Variants in ANKRD45 observed in about 807,000 individuals in gnomAD.
ANKRD45 encodes ankyrin repeat domain 45, also known as ankyrin repeat domain-containing protein 45.
A neutral mutation model predicts 28.1 loss-of-function variants in ANKRD45; 21 were observed. That is an observed-to-expected ratio of 0.75 (90% confidence interval 0.53 to 1.08). ANKRD45 has a LOEUF of 1.08. Ranked by LOEUF, ANKRD45 falls within the 50% of genes least tolerant of loss-of-function variation. The pLI, the probability that ANKRD45 is intolerant of heterozygous loss-of-function variation, is 0.00. For synonymous variants in ANKRD45, 86 were observed against 103.9 expected (o/e 0.83, Z 1.05); for missense variants, 261 against 308.7 (o/e 0.85, Z 1.16).
intron 4 of ANKRD45, among the ~76,000 whole-genome samples, chr1:173,625,720 A>C (rs543442492): frequency 2.0e-5 from 3 of 150,180 alleles, no homozygotes; most frequent in Non-Finnish European, 4.4e-5. Context: ...AATAATATAT[A>C]TAAGTGTGAT....
At chr1:173,692,876 C>T in the ANKRD45 span, among the ~76,000 whole-genome samples, 1 of 152,182 alleles carries the variant, frequency 6.6e-6, no homozygotes, top group Non-Finnish European at 1.5e-5. Context: ...TCACTCTTCT[C>T]CTTGTTCATC....
chr1:173,649,070 A>G (rs1180422069), intron 2 of ANKRD45, among the ~76,000 whole-genome samples: 1 of 152,186 alleles, frequency 6.6e-6, no homozygotes, highest in African/African-American at 2.4e-5. Context: ...CCAAAGAGCT[A>G]ATTCATTCCT....
At chr1:173,688,150 T>C in the ANKRD45 span, among the ~76,000 whole-genome samples, 2 of 152,242 alleles carry the variant, frequency 1.3e-5, no homozygotes, top group Admixed American at 6.5e-5. Context: ...TTTCGGGCTA[T>C]GCCCTTGTTT....
At chr1:173,713,994 T>C in the ANKRD45 span, among the ~76,000 whole-genome samples, 1 of 152,220 alleles carries the variant, frequency 6.6e-6, no homozygotes, top group Non-Finnish European at 1.5e-5. Context: ...TGGGCCACTA[T>C]ATCTGGATCT....
chr1:173,649,161 T>C (rs1346355185), intron 2 of ANKRD45, among the ~76,000 whole-genome samples: 2 of 152,218 alleles, frequency 1.3e-5, no homozygotes, highest in Non-Finnish European at 2.9e-5. Flanking sequence ...TTAACTGTTA[T>C]AAGCAATATT....
At chr1:173,648,187 C>A (rs1480731888) in intron 2 of ANKRD45, among the ~76,000 whole-genome samples, 1 of 152,122 alleles carries the variant, frequency 6.6e-6, no homozygotes, top group African/African-American at 2.4e-5. Flanking sequence ...ATCCACTTGC[C>A]TCAGCCTCCC....
rs144812432 is a variant in ANKRD45, at chr1:173,622,751, C to T, written c.730+2036G>A. ...CCATTCAGGACATAGGTGCAGGCAA[C>T]GATTTCATGAGTAAAACACCAAAAG... On this transcript the variant is annotated intron_variant, in intron 5 of 5. Coordinates refer to ENST00000333279, the MANE Select transcript of ANKRD45 (RefSeq NM_198493.3). 1.4e-4 allele frequency among the ~76,000 whole-genome samples: 21 copies of T among 152,090 alleles called. No homozygotes were observed. The East Asian group carries it at 1.9e-3, about 14-fold the overall frequency.
the ANKRD45 span, among the ~76,000 whole-genome samples, chr1:173,693,967 A>G: frequency 6.6e-6 from 1 of 152,230 alleles, no homozygotes; most frequent in African/African-American, 2.4e-5. Context: ...TCTATGCCAT[A>G]GGTTGCTGGC....
At chr1:173,698,938 GAAGAA>G in the ANKRD45 span, among the ~76,000 whole-genome samples, 4 of 150,334 alleles carry the variant, frequency 2.7e-5, no homozygotes, top group Non-Finnish European at 5.9e-5. Flanking sequence ...GACTAATAAA[GAAGAA>G]AAGAAAGAAC....
At chr1:173,684,726 T>A in the ANKRD45 span, among the ~76,000 whole-genome samples, 1 of 152,190 alleles carries the variant, frequency 6.6e-6, no homozygotes, top group Admixed American at 6.5e-5. Context: ...TGAGTTTTAA[T>A]CATGAGGCAA....
At chr1:173,652,486 G>A (rs1167299553) in intron 2 of ANKRD45, among the ~76,000 whole-genome samples, 1 of 152,162 alleles carries the variant, frequency 6.6e-6, no homozygotes, top group African/African-American at 2.4e-5. Flanking sequence ...TGTGCTGCTG[G>A]ATTCTATTTG....
At chr1:173,688,579 G>C in the ANKRD45 span, among the ~76,000 whole-genome samples, 1 of 85,382 alleles carries the variant, frequency 1.2e-5, no homozygotes, top group African/African-American at 3.9e-5. Context: ...TCTCTCTGCC[G>C]CTTCCTCTCT....
intron 3 of ANKRD45, among the ~76,000 whole-genome samples, chr1:173,644,749 C>T (rs1668850100): frequency 6.6e-6 from 1 of 151,982 alleles, no homozygotes; most frequent in African/African-American, 2.4e-5. Flanking sequence ...AATCCCAGCA[C>T]TTTGGGAGGT....
rs150483172 is a variant in ANKRD45, at chr1:173,642,658, G to T, written c.496+4188C>A. Among the ~76,000 whole-genome samples the T allele has an allele frequency of 3.9e-3, 587 of 152,372 alleles. 4 individuals are homozygous for T. The highest frequency in any genetic ancestry group is 0.014 in the African/African-American group (562 of 41,594). The stretch of plus-strand genomic sequence containing the variant: ...AGATATTTGCCTGGGCATGCCTGAA[G>T]AGGTCCAAGCAAGCATGAGGTCATA... On this transcript the variant is annotated intron_variant, in intron 3 of 5. Transcript: ENST00000333279.
intron 3 of ANKRD45, among the ~76,000 whole-genome samples, chr1:173,633,400 G>A (rs1291082658): frequency 1.3e-5 from 2 of 151,938 alleles, no homozygotes; most frequent in Admixed American, 6.6e-5. Context: ...AATCAATATT[G>A]TTAAAATGCT....
chr1:173,679,080 A>T, the ANKRD45 span, among the ~76,000 whole-genome samples: 10 of 152,364 alleles, frequency 6.6e-5, no homozygotes, highest in Non-Finnish European at 1.5e-4. Flanking sequence ...TTCCATGCTC[A>T]TAGATAGAAA....
chr1:173,692,136 G>A, the ANKRD45 span, among the ~76,000 whole-genome samples: 1 of 152,188 alleles, frequency 6.6e-6, no homozygotes, highest in South Asian at 2.1e-4. Context: ...GCTTTACAAG[G>A]AAGTGAAGTT....
chr1:173,616,230 G>A (rs1045917913), intron 5 of ANKRD45, among the ~76,000 whole-genome samples: 1 of 152,090 alleles, frequency 6.6e-6, no homozygotes, highest in Non-Finnish European at 1.5e-5. Flanking sequence ...AGTGAGAGAG[G>A]CCACCACGAA....
chr1:173,666,013 C>T (rs1670001311), intron 1 of ANKRD45, among the ~76,000 whole-genome samples: 1 of 151,820 alleles, frequency 6.6e-6, no homozygotes, highest in Admixed American at 6.6e-5. Flanking sequence ...GACCCTGTCT[C>T]CAAAAAACAA....
Sources: gnomAD v4.1 joint callset for allele counts (sites outside exome capture counted in the v4.1 genomes callset) on GRCh38, gnomAD v4.1.1 for gene constraint, MANE v1.5 for transcripts, NCBI Gene and HGNC (gene_info 2026-07-23, HGNC 2026-07-21) for gene names.